ERICH1: variants seen among roughly 807,000 people sequenced by gnomAD.
ERICH1 encodes glutamate-rich protein 1.
Under a neutral mutation model 39.6 loss-of-function variants are expected in ERICH1, and 56 were observed. The ratio of observed to expected loss-of-function variants is 1.41; its 90% confidence interval spans 1.14 to 1.77. The LOEUF (loss-of-function observed/expected upper bound fraction) is 1.77, where lower values mean the gene tolerates loss of function less well. ERICH1 is among the 40% of genes most tolerant of loss of function. The pLI, the probability that ERICH1 is intolerant of heterozygous loss-of-function variation, is 0.00. For missense variants in ERICH1, 826 were observed against 575.4 expected, an observed-to-expected ratio of 1.44 and a Z score of -4.45; for synonymous variants, 313 against 223.6, an observed-to-expected ratio of 1.40 and a Z score of -3.57.
intron 1 of ERICH1, among the ~76,000 whole-genome samples, chr8:729,813 G>C (rs1160907344): frequency 7.4e-6 from 1 of 135,894 alleles, no homozygotes; most frequent in African/African-American, 2.7e-5. Flanking sequence ...AATGGAGAAA[G>C]GTTTTTTTTT....
chr8:684,311 A>T (rs776128616), intron 3 of ERICH1, among the ~76,000 whole-genome samples: 4 of 152,240 alleles, frequency 2.6e-5, no homozygotes, highest in Non-Finnish European at 4.4e-5. Context: ...TAATTAAAAC[A>T]GTACAAATGA....
At chr8:667,995 G>C (rs1282149050) in intron 5 of ERICH1, 1 of 155,756 alleles carries the variant, frequency 6.4e-6, no homozygotes, top group Non-Finnish European at 1.4e-5. Context: ...CCCTGGGCCA[G>C]GTGGGCTGCT....
chr8:731,011 TG>T, intron 1 of ERICH1, 128 bp downstream of exon 1: 1 of 1,023,984 alleles, frequency 9.8e-7, no homozygotes. Context: ...GGGGTGGAGG[TG>T]GGGAGTCGGT....
chr8:651,227 G>A (rs1050060296), intron 3 of ERICH1, among the ~76,000 whole-genome samples: 1 of 152,244 alleles, frequency 6.6e-6, no homozygotes, highest in Non-Finnish European at 1.5e-5. Context: ...TTAGTCCAGG[G>A]TTGGGAAGAG....
chr8:641,454 A>T (rs1798965119), intron 3 of ERICH1, among the ~76,000 whole-genome samples: 1 of 152,230 alleles, frequency 6.6e-6, no homozygotes, highest in Non-Finnish European at 1.5e-5. Context: ...AAATTTATGC[A>T]AAGTTACATT....
intron 3 of ERICH1, among the ~76,000 whole-genome samples, chr8:688,080 C>A (rs1010613252): frequency 6.6e-6 from 1 of 152,178 alleles, no homozygotes; most frequent in African/African-American, 2.4e-5. Context: ...CCTCAGGCAC[C>A]CAATGCAGTT....
At chr8:667,583 T>C (rs1407879935) in intron 5 of ERICH1, 2 of 153,262 alleles carry the variant, frequency 1.3e-5, no homozygotes, top group African/African-American at 4.8e-5. Flanking sequence ...CACAGCACCA[T>C]GCAGGGCAAC....
In ERICH1 at chr8:712,420, G is replaced by GTGTTT. The variant is rs138743061; in HGVS notation, c.169+3436_169+3440dup. ...GGGGGGTGGTAATATAAATGATACC[G>GTGTTT]TGTTTTGTTTTGTTTTGTTTTGTTT... On this transcript the variant is annotated intron_variant, in intron 2 of 5. Coordinates refer to ENST00000262109, the MANE Select transcript of ERICH1 (RefSeq NM_207332.3). 1.6e-3 allele frequency among the ~76,000 whole-genome samples: 247 copies of GTGTTT among 151,672 alleles called. 1 individual carries two copies. The East Asian group carries it at 0.017, about 10-fold the overall frequency.
chr8:719,897 C>G (rs367543929), intron 1 of ERICH1, among the ~76,000 whole-genome samples: 1 of 152,292 alleles, frequency 6.6e-6, no homozygotes, highest in East Asian at 1.9e-4. Flanking sequence ...GTGGACCCAG[C>G]GCCCTCCAGC....
At chr8:681,784 C>A (rs1389139511) in intron 3 of ERICH1, among the ~76,000 whole-genome samples, 1 of 152,234 alleles carries the variant, frequency 6.6e-6, no homozygotes, top group Non-Finnish European at 1.5e-5. Context: ...GCAGAGACTG[C>A]CCGGCTGAGC....
intron 3 of ERICH1, among the ~76,000 whole-genome samples, chr8:689,907 G>A (rs543635553): frequency 1.3e-5 from 2 of 152,274 alleles, no homozygotes; most frequent in Middle Eastern, 3.4e-3. Context: ...CCAGGACCGT[G>A]AGCAGAAGAG....
At chr8:702,611 G>C (rs1295938526) in intron 2 of ERICH1, among the ~76,000 whole-genome samples, 1 of 152,184 alleles carries the variant, frequency 6.6e-6, no homozygotes, top group Non-Finnish European at 1.5e-5. Context: ...ACATGAAAGA[G>C]GCCGACAGTG....
chr8:687,944 C>CA (rs1233352006), intron 3 of ERICH1, among the ~76,000 whole-genome samples: 3 of 152,114 alleles, frequency 2.0e-5, no homozygotes, highest in Non-Finnish European at 4.4e-5. Context: ...TCTGAGGCTC[C>CA]AAGGACATCC....
At chr8:690,834 G>C (rs189198931) in intron 3 of ERICH1, 2 of 152,466 alleles carry the variant, frequency 1.3e-5, no homozygotes, top group Admixed American at 6.5e-5. Flanking sequence ...CCAGTGACCT[G>C]AGTGCTTCCA....
chr8:688,255 C>A (rs1265070092), intron 3 of ERICH1, among the ~76,000 whole-genome samples: 2 of 150,728 alleles, frequency 1.3e-5, no homozygotes, highest in African/African-American at 4.9e-5. Context: ...TAAAGCGGCA[C>A]CCCGCCCCCA....
At chr8:655,454 C>T (rs1016891920) in intron 3 of ERICH1, among the ~76,000 whole-genome samples, 12 of 152,346 alleles carry the variant, frequency 7.9e-5, no homozygotes, top group African/African-American at 2.4e-4. Context: ...TTCTTACCTA[C>T]GTGTGCGTTT....
chr8:720,194 G>C (rs1451256475), intron 1 of ERICH1, among the ~76,000 whole-genome samples: 1 of 152,214 alleles, frequency 6.6e-6, no homozygotes, highest in Admixed American at 6.5e-5. Context: ...AGACAAATGA[G>C]ACCTCTGAGA....
chr8:617,135 GAGAA>G (rs1796972068), intron 3 of ERICH1, among the ~76,000 whole-genome samples: 1 of 152,152 alleles, frequency 6.6e-6, no homozygotes, highest in South Asian at 2.1e-4. Context: ...CTAGGAAACT[GAGAA>G]AGAAAGAAGG....
chr8:719,611 C>A (rs1241254485), intron 1 of ERICH1, among the ~76,000 whole-genome samples: 1 of 152,242 alleles, frequency 6.6e-6, no homozygotes, highest in East Asian at 1.9e-4. Context: ...CAATCTCACC[C>A]ACTAATTCTG....
Sources: gnomAD v4.1 joint callset for allele counts (sites outside exome capture counted in the v4.1 genomes callset) on GRCh38, gnomAD v4.1.1 for gene constraint, MANE v1.5 for transcripts, NCBI Gene and HGNC (gene_info 2026-07-23, HGNC 2026-07-21) for gene names.